Variants in GLIS3 observed in about 807,000 individuals in gnomAD.
GLIS3 encodes the protein GLIS family zinc finger 3.
In GLIS3, 53 loss-of-function variants were observed where a neutral mutation model predicts 78.6. The observed-to-expected ratio is 0.67, with a 90% confidence interval of 0.54 to 0.85. The LOEUF (loss-of-function observed/expected upper bound fraction) is 0.85. Ranked by LOEUF, GLIS3 falls within the 40% of genes least tolerant of loss-of-function variation. The probability of loss-of-function intolerance (pLI) is 0.00; values close to 1 mark genes in which losing one functional copy is unlikely to be tolerated. For missense variants in GLIS3, 1,703 were observed against 1,231.1 expected (o/e 1.38, Z -5.74); for synonymous variants, 684 against 509.9 (o/e 1.34, Z -4.60).
chr9:4,460,393 T>G, the GLIS3 span, among the ~76,000 whole-genome samples: 1 of 152,240 alleles, frequency 6.6e-6, no homozygotes. Flanking sequence ...GCACATACTG[T>G]AACTTCTATA....
intron 4 of GLIS3, among the ~76,000 whole-genome samples, chr9:4,059,825 T>TGAGAGAGAGAGAGAGA (rs1469909194): frequency 5.0e-5 from 6 of 120,260 alleles, no homozygotes; most frequent in African/African-American, 1.9e-4. Context: ...TGTGTGTGTG[T>TGAGAGAGAGAGAGAGA]GTGTGAGAGA....
At chr9:3,894,147 G>A (rs571709396) in intron 7 of GLIS3, among the ~76,000 whole-genome samples, 5 of 152,298 alleles carry the variant, frequency 3.3e-5, no homozygotes, top group Admixed American at 2.6e-4. Context: ...AAATTGTTCT[G>A]CTGCTTTTTC....
chr9:4,201,315 T>C (rs1387378134), intron 2 of GLIS3, among the ~76,000 whole-genome samples: 2 of 152,044 alleles, frequency 1.3e-5, no homozygotes, highest in Non-Finnish European at 2.9e-5. Context: ...TCCAACATAG[T>C]ACTGGAAGTC....
the GLIS3 span, among the ~76,000 whole-genome samples, chr9:4,370,392 T>TA: frequency 2.0e-5 from 3 of 152,044 alleles, no homozygotes; most frequent in African/African-American, 7.2e-5. Context: ...GCCTTGTCTC[T>TA]AGCCCAGTGT....
intron 3 of GLIS3, among the ~76,000 whole-genome samples, chr9:4,122,691 G>A (rs112145930): frequency 0.015 from 2,313 of 152,286 alleles, 68 homozygotes; most frequent in African/African-American, 0.053. Flanking sequence ...TACAATGCAT[G>A]TGAAAACACT....
chr9:4,017,795 T>C (rs1457083966), intron 4 of GLIS3, among the ~76,000 whole-genome samples: 4 of 152,170 alleles, frequency 2.6e-5, no homozygotes, highest in African/African-American at 4.8e-5. Context: ...TTCAACAATA[T>C]TGAAGGACGG....
upstream of GLIS3, among the ~76,000 whole-genome samples, chr9:4,349,954 C>T (rs144802523): frequency 6.6e-6 from 1 of 152,186 alleles, no homozygotes; most frequent in South Asian, 2.1e-4. Flanking sequence ...GCTGCAGAGG[C>T]TGTGGGTGGG....
intron 4 of GLIS3, among the ~76,000 whole-genome samples, chr9:4,020,559 G>A (rs896238840): frequency 3.9e-5 from 6 of 152,196 alleles, no homozygotes; most frequent in Non-Finnish European, 7.3e-5. Flanking sequence ...TTGGCTTTAT[G>A]TGCAATCTAA....
chr9:4,184,803 G>A lies in GLIS3; in HGVS notation c.389-58862C>T, dbSNP rs559299116. ...TATGTAAGTAGATTATTGTGGGGTG[G>A]AGGAGGGAGTGAAAAGGAACTGAGG... On this transcript the variant is annotated intron_variant, in intron 2 of 10. Coordinates refer to ENST00000381971, the MANE Select transcript of GLIS3 (RefSeq NM_001042413.2). Among the ~76,000 whole-genome samples the A allele has an allele frequency of 2.1e-3, 320 of 152,296 alleles. 2 individuals carry two copies. Among genetic ancestry groups the A allele is most frequent in the Non-Finnish European group, 3.6e-3 (246 of 68,026 alleles).
chr9:4,036,174 C>T (rs1276538994), intron 4 of GLIS3, among the ~76,000 whole-genome samples: 1 of 152,216 alleles, frequency 6.6e-6, no homozygotes, highest in Middle Eastern at 3.2e-3. Context: ...TTTTTTAACT[C>T]CTCACCAGCA....
rs192735450 is a variant in GLIS3, at chr9:4,057,259, T to C, written c.1710+60509A>G. ...CCACACTATGTTTAATACTCTGCCA[T>C]TATCATTTTAAAATTCTTAATCATT... On this transcript the variant is annotated intron_variant, in intron 4 of 10. Coordinates refer to ENST00000381971, the MANE Select transcript of GLIS3 (RefSeq NM_001042413.2). Among the ~76,000 whole-genome samples, 24 of 152,276 alleles carry C rather than the reference T, an allele frequency of 1.6e-4. No individual in the cohort carries two copies. The East Asian group carries it at 4.4e-3, about 28-fold the overall frequency.
chr9:4,034,086 G>A (rs966799191), intron 4 of GLIS3, among the ~76,000 whole-genome samples: 9 of 151,826 alleles, frequency 5.9e-5, no homozygotes, highest in African/African-American at 2.2e-4. Context: ...AAAATTGGCT[G>A]GGCATGGTGG....
intron 2 of GLIS3, among the ~76,000 whole-genome samples, chr9:4,235,901 T>A (rs950554947): frequency 9.3e-5 from 14 of 151,306 alleles, no homozygotes; most frequent in African/African-American, 3.2e-4. Flanking sequence ...ACTGATGAAC[T>A]TCTTTTTCAA....
intron 6 of GLIS3, among the ~76,000 whole-genome samples, chr9:3,904,311 A>G (rs1341302785): frequency 1.3e-5 from 2 of 152,174 alleles, no homozygotes; most frequent in African/African-American, 4.8e-5. Flanking sequence ...AAGCCTGAAG[A>G]GCAAAAGAAA....
intron 4 of GLIS3, among the ~76,000 whole-genome samples, chr9:4,103,960 G>GT (rs1830566229): frequency 6.6e-6 from 1 of 152,090 alleles, no homozygotes; most frequent in African/African-American, 2.4e-5. Context: ...GACATACACA[G>GT]TGTTTGGTAA....
chr9:3,844,547 A>G (rs930753114), intron 9 of GLIS3, among the ~76,000 whole-genome samples: 1 of 152,226 alleles, frequency 6.6e-6, no homozygotes, highest in African/African-American at 2.4e-5. Context: ...CTATAATAAT[A>G]TTAATTAAAC....
At chr9:4,295,592 A>G (rs1204001597) in intron 1 of GLIS3, among the ~76,000 whole-genome samples, 2 of 152,242 alleles carry the variant, frequency 1.3e-5, no homozygotes, top group Non-Finnish European at 2.9e-5. Context: ...TATATCTGTT[A>G]GAAACCAGGG....
chr9:4,371,863 C>G, the GLIS3 span, among the ~76,000 whole-genome samples: 1 of 152,178 alleles, frequency 6.6e-6, no homozygotes, highest in Admixed American at 6.5e-5. Flanking sequence ...CTTCTTAGTT[C>G]TTTTGAATAT....
chr9:4,028,946 A>G (rs1381162515), intron 4 of GLIS3, among the ~76,000 whole-genome samples: 2 of 152,172 alleles, frequency 1.3e-5, no homozygotes, highest in Non-Finnish European at 2.9e-5. Context: ...AATCTTACAC[A>G]TTCAGGTGGT....
Sources: gnomAD v4.1 joint callset for allele counts (sites outside exome capture counted in the v4.1 genomes callset) on GRCh38, gnomAD v4.1.1 for gene constraint, MANE v1.5 for transcripts, NCBI Gene and HGNC (gene_info 2026-07-23, HGNC 2026-07-21) for gene names.